Variants in CDK8 observed in about 807,000 individuals in gnomAD.
CDK8 encodes the protein cyclin-dependent kinase 8.
Under a neutral mutation model 71.5 loss-of-function variants are expected in CDK8, and 29 were observed. The observed-to-expected ratio is 0.41, with a 90% CI of 0.30 to 0.55. The LOEUF is 0.55. Ranked by LOEUF, CDK8 falls within the 20% of genes least tolerant of loss-of-function variation. The probability of loss-of-function intolerance (pLI) is 0.37; values close to 1 mark genes in which losing one functional copy is unlikely to be tolerated. For synonymous variants in CDK8, 161 were observed against 192.1 expected, an observed-to-expected ratio of 0.84 and a Z score of 1.34; for missense variants, 288 against 572.6, an observed-to-expected ratio of 0.50 and a Z score of 5.07.
intron 4 of CDK8, 149 bp from the exon 5 acceptor site, chr13:26,382,663 GCA>G: frequency 1.8e-6 from 1 of 541,184 alleles, no homozygotes; most frequent in Non-Finnish European, 3.3e-6. Flanking sequence ...ATATATACAT[GCA>G]CAGTTTCTTT....
chr13:26,348,748 T>C (rs578219526), intron 2 of CDK8, among the ~76,000 whole-genome samples: 5 of 152,166 alleles, frequency 3.3e-5, no homozygotes, highest in Admixed American at 1.3e-4. Context: ...AATATACTTA[T>C]AGGATGCCAC....
chr13:26,377,491 ATGT>A (rs1229912842), intron 4 of CDK8, among the ~76,000 whole-genome samples: 3 of 152,236 alleles, frequency 2.0e-5, no homozygotes, highest in Non-Finnish European at 4.4e-5. Flanking sequence ...AGTAACATAC[ATGT>A]TGTTTTTATC....
chr13:26,347,283 A>G (rs1390228134), intron 2 of CDK8, among the ~76,000 whole-genome samples: 1 of 152,214 alleles, frequency 6.6e-6, no homozygotes, highest in Admixed American at 6.5e-5. Context: ...ATGAAAAGTT[A>G]CAAAATTTTA....
intron 4 of CDK8, among the ~76,000 whole-genome samples, chr13:26,375,286 G>A (rs962780200): frequency 1.2e-4 from 19 of 152,196 alleles, no homozygotes; most frequent in Non-Finnish European, 2.9e-5. Flanking sequence ...CATTGAGCGT[G>A]TATTACCTTT....
At chr13:26,329,409 C>G (rs993706774) in intron 1 of CDK8, among the ~76,000 whole-genome samples, 3 of 148,114 alleles carry the variant, frequency 2.0e-5, no homozygotes, top group African/African-American at 4.9e-5. Flanking sequence ...TTTGGACACT[C>G]TACATACCTC....
intron 1 of CDK8, among the ~76,000 whole-genome samples, chr13:26,292,530 C>G (rs377007620): frequency 6.6e-6 from 1 of 152,156 alleles, no homozygotes; most frequent in African/African-American, 2.4e-5. Context: ...CTAAAATCTG[C>G]TCACATCACT....
At chr13:26,387,640 CA>C (rs1875542286) in intron 6 of CDK8, among the ~76,000 whole-genome samples, 2 of 152,156 alleles carry the variant, frequency 1.3e-5, no homozygotes. Context: ...TTCCCAAGAA[CA>C]AAATCTTCGC....
At chr13:26,301,510 A>G (rs1217769060) in intron 1 of CDK8, among the ~76,000 whole-genome samples, 1 of 152,168 alleles carries the variant, frequency 6.6e-6, no homozygotes, top group Non-Finnish European at 1.5e-5. Context: ...TAAGAGTGGT[A>G]TGTGGGGGAT....
At chr13:26,336,432 T>C (rs1872985626) in intron 1 of CDK8, among the ~76,000 whole-genome samples, 1 of 151,914 alleles carries the variant, frequency 6.6e-6, no homozygotes, top group Non-Finnish European at 1.5e-5. Flanking sequence ...TATTGATAGA[T>C]ATAATAAACC....
At chr13:26,392,082 G>A (rs971989544) in intron 6 of CDK8, among the ~76,000 whole-genome samples, 3 of 151,968 alleles carry the variant, frequency 2.0e-5, no homozygotes, top group Non-Finnish European at 2.9e-5. Context: ...ATGTGTTGAG[G>A]GTCTGCTATA....
At chr13:26,259,681 AT>A (rs908074176) in intron 1 of CDK8, among the ~76,000 whole-genome samples, 2 of 152,096 alleles carry the variant, frequency 1.3e-5, no homozygotes, top group Non-Finnish European at 2.9e-5. Flanking sequence ...CTTAAATTTC[AT>A]TTTTTTAGTA....
intron 3 of CDK8, 63 bp from the exon 4 acceptor site, chr13:26,353,674 ATAT>A: frequency 7.7e-7 from 1 of 1,292,178 alleles, no homozygotes; most frequent in South Asian, 1.4e-5. Context: ...TGTTAGGAAA[ATAT>A]TATACATCAA....
intron 1 of CDK8, among the ~76,000 whole-genome samples, chr13:26,263,750 T>G (rs558902226): frequency 6.9e-5 from 8 of 115,116 alleles, no homozygotes; most frequent in African/African-American, 3.7e-4. Flanking sequence ...AAAGACTCCC[T>G]TTTTTTTTTT....
chr13:26,366,194 T>C (rs1231627392), intron 4 of CDK8, among the ~76,000 whole-genome samples: 1 of 152,132 alleles, frequency 6.6e-6, no homozygotes, highest in Non-Finnish European at 1.5e-5. Context: ...TAAATCTTTT[T>C]CAGTTTGACG....
chr13:26,367,714 G>A (rs940562650), intron 4 of CDK8, among the ~76,000 whole-genome samples: 3 of 152,060 alleles, frequency 2.0e-5, no homozygotes, highest in Admixed American at 1.3e-4. Flanking sequence ...AATGTTACAC[G>A]GTGCATATTG....
chr13:26,336,134 C>CAA (rs1872971092), intron 1 of CDK8, among the ~76,000 whole-genome samples: 1 of 151,542 alleles, frequency 6.6e-6, no homozygotes, highest in East Asian at 1.9e-4. Context: ...CACACACACA[C>CAA]ACACACACAT....
chr13:26,325,377 C>T (rs1874971519), intron 1 of CDK8, among the ~76,000 whole-genome samples: 1 of 152,108 alleles, frequency 6.6e-6, no homozygotes, highest in Admixed American at 6.5e-5. Context: ...CAGGTTTTAC[C>T]TCATTTAAAA....
chr13:26,405,209 T>A lies in CDK8; in HGVS notation c.*1128T>A, dbSNP rs1040451464. On this transcript the variant is annotated 3_prime_UTR_variant, in exon 13 of 13. Coordinates refer to ENST00000381527, the MANE Select transcript of CDK8 (RefSeq NM_001260.3). ...GAACATTGTTAAAAACAAGGTGTTA[T>A]GTAATAAATTTATTTTTCATAAATC... 1.7e-5 allele frequency: 3 copies of A among 171,936 alleles called. No individual in the cohort carries two copies. In the East Asian group the frequency reaches 3.3e-4, roughly 19 times the overall value. The allele number at this position is 171,936 out of a possible 1,614,324, so 10.7% of individuals were successfully genotyped here.
At chr13:26,358,692 A>T (rs1027627084) in intron 4 of CDK8, among the ~76,000 whole-genome samples, 1 of 152,256 alleles carries the variant, frequency 6.6e-6, no homozygotes, top group Non-Finnish European at 1.5e-5. Context: ...TTGTATATGC[A>T]TGTTCATAGC....
Sources: allele counts gnomAD v4.1 joint callset (sites outside exome capture counted in the v4.1 genomes callset), GRCh38; gene constraint gnomAD v4.1.1; transcripts MANE v1.5; gene names NCBI Gene and HGNC (gene_info 2026-07-23, HGNC 2026-07-21).